ACLY: variants seen among roughly 807,000 people sequenced by gnomAD.
The protein encoded by ACLY is ATP citrate lyase, also known as ATP-citrate synthase.
Under a neutral mutation model 133.0 loss-of-function variants are expected in ACLY, and 41 were observed. The observed-to-expected ratio is 0.31, with a 90% CI of 0.24 to 0.40. ACLY has a LOEUF of 0.40. Among genes scored for constraint, ACLY ranks in the 10% least tolerant of loss-of-function variants. The pLI is 1.00. For synonymous variants in ACLY, 495 were observed against 549.3 expected, an observed-to-expected ratio of 0.90 and a Z score of 1.38; for missense variants, 1,046 against 1,453.8, an observed-to-expected ratio of 0.72 and a Z score of 4.56.
intron 16 of ACLY, among the ~76,000 whole-genome samples, chr17:41,890,321 T>G (rs904866700): frequency 5.3e-5 from 8 of 151,908 alleles, no homozygotes; most frequent in African/African-American, 1.9e-4. Context: ...AAATATGTAA[T>G]ATTTTTATAA....
chr17:41,869,521 G>C lies in ACLY; in HGVS notation c.3004C>G (p.Pro1002Ala). 6.2e-7 allele frequency: 1 copy of C among 1,614,170 alleles called. No individual in the cohort carries two copies. The highest frequency in any genetic ancestry group is 1.1e-5 in the South Asian group (1 of 91,070). ...ACTTCCAGTGCATAATCGAGCAGAG[G>C]AGTGGCAGGGAAGTGCTGCCTGACG... ...DYVRQHFPAT[P>A]LLDYALEVEK... The change falls in exon 26 of 29, where the codon CCT (proline) becomes GCT (alanine). Residue 1002 changes from proline to alanine, a missense_variant. By Grantham distance (27) the Pro-to-Ala change is conservative. Transcript: ENST00000352035.
At chr17:41,918,602 G>C (rs1318198501) in intron 1 of ACLY, among the ~76,000 whole-genome samples, 13 of 152,242 alleles carry the variant, frequency 8.5e-5, no homozygotes, top group African/African-American at 1.4e-4. Context: ...CAATGTGGCA[G>C]AGGCAGAAGA....
At chr17:41,914,294 G>A (rs1179336803) in intron 1 of ACLY, among the ~76,000 whole-genome samples, 3 of 151,838 alleles carry the variant, frequency 2.0e-5, no homozygotes, top group Non-Finnish European at 4.4e-5. Context: ...GGTCCCATCT[G>A]AGGTGGGCAG....
Position 41,896,621 on chromosome 17 carries a change from T to C in ACLY, c.1458A>G (p.Gln486=). The C allele has an allele frequency of 6.4e-7, 1 of 1,567,842 alleles. No individual in the cohort carries two copies. The highest frequency in any genetic ancestry group is 8.6e-7 in the Non-Finnish European group (1 of 1,156,098). Residue 486 remains glutamine, a splice_region_variant and synonymous_variant, in exon 14 of 29, where the codon CAA becomes CAG. Transcript: ENST00000352035. ...GGGGGCAGGGTGGGGGCATCCTACC[T>C]TGCAGGGATCTTGGACTTGGGACTG... ...QDSVPSPRSL[Q]GKSTTLFSRH... is the part of the protein sequence containing the mutation.
At chr17:41,883,935 G>GAT (rs2048986126) in intron 19 of ACLY, among the ~76,000 whole-genome samples, 1 of 152,028 alleles carries the variant, frequency 6.6e-6, no homozygotes, top group Non-Finnish European at 1.5e-5. Context: ...CCACCAGGTA[G>GAT]AGACCATGGC....
intron 1 of ACLY, among the ~76,000 whole-genome samples, chr17:41,929,676 C>T (rs1423920389): frequency 3.9e-5 from 6 of 152,094 alleles, no homozygotes; most frequent in African/African-American, 1.4e-4. Flanking sequence ...TGAATTAAAC[C>T]TTTTGAGATA....
chr17:41,880,100 G>A (rs959614030), intron 20 of ACLY, among the ~76,000 whole-genome samples: 3 of 152,170 alleles, frequency 2.0e-5, no homozygotes, highest in Admixed American at 6.6e-5. Flanking sequence ...CTTGTCTTAG[G>A]ATGGGGTGCA....
rs782537555 is a variant in ACLY at position 41,909,596 on chromosome 17, C to T, written c.450G>A (p.Gln150=). 4.3e-6 allele frequency: 7 copies of T among 1,614,200 alleles called. No homozygotes were observed. In the East Asian group the frequency reaches 1.6e-4, roughly 36 times the overall value. Residue 150 remains glutamine, a synonymous_variant, in exon 5 of 29, where the codon CAG becomes CAA. Coordinates refer to ENST00000352035, the MANE Select transcript of ACLY (RefSeq NM_001096.3). ...VDVGDVDAKA[Q]KLLVGVDEKL... ...TCTCATCCACGCCAACAAGCAGCTTCTGGGCCTTGGCGTCCACATCACCCA... is the reference window on the plus strand; with the variant it reads ...TCTCATCCACGCCAACAAGCAGCTTTTGGGCCTTGGCGTCCACATCACCCA...
At chr17:41,907,681 A>C (rs955466463) in intron 6 of ACLY, 109 bp from the exon 7 acceptor site, 31 of 1,286,292 alleles carry the variant, frequency 2.4e-5, no homozygotes, top group African/African-American at 3.0e-5. Context: ...TTCAGGCCTC[A>C]GAACTCTCTA....
rs782563412 is a variant in ACLY at position 41,897,737 on chromosome 17, T to G, written c.1429+12A>C. The stretch of plus-strand genomic sequence containing the variant: ...CACTCCCTGCAACATGCCTGAAGCC[T>G]CAGGGAGTTACCTTGTGGCATGGCA... On this transcript the variant is annotated intron_variant, in intron 13 of 28. Transcript: ENST00000352035. 6.2e-7 allele frequency: 1 copy of G among 1,611,806 alleles called. No homozygotes were observed. Among genetic ancestry groups the G allele is most frequent in the South Asian group, 1.1e-5 (1 of 90,626 alleles).
chr17:41,872,168 G>C lies in ACLY; in HGVS notation c.2657C>G (p.Ser886Cys), dbSNP rs782616192. Residue 886 changes from serine to cysteine, a missense_variant, in exon 24 of 29, where the codon TCT (serine) becomes TGT (cysteine). Transcript: ENST00000352035. ...LWFQKRLPKY[S>C]CQFIEMCLMV... ...CAGACACATCTCAATGAACTGGCAA[G>C]AGTACTTAGGCAACCTGGAGTGGGG... 1.2e-6 allele frequency: 2 copies of C among 1,613,624 alleles called. No homozygotes were observed. Among genetic ancestry groups the C allele is most frequent in the Non-Finnish European group, 1.7e-6 (2 of 1,179,992 alleles).
At chr17:41,901,673 G>A (rs781918061) in intron 11 of ACLY, 23 bp downstream of exon 11, 3 of 1,593,218 alleles carry the variant, frequency 1.9e-6, no homozygotes, top group Admixed American at 1.7e-5. Flanking sequence ...GGGTGAGGGG[G>A]AGAGAAAAGG....
rs782007401 is a variant in ACLY, at chr17:41,884,254, A to G, written c.2093T>C (p.Met698Thr). 1 of 1,612,016 alleles carries G rather than the reference A, an allele frequency of 6.2e-7. No homozygotes were observed. The highest frequency in any genetic ancestry group is 1.7e-5 in the Admixed American group (1 of 60,000). ...GGDRYPGSTF[M>T]DHVLRYQDTP... ...GTCCTGATAGCGTAACACATGATCC[A>G]TGAATGTGGAGCCCGGGTACCTGTT... Residue 698 changes from methionine to threonine, a missense_variant, in exon 19 of 29, where the codon ATG (methionine) becomes ACG (threonine). Physicochemically the swap from Met to Thr is moderately conservative, Grantham distance 81 (BLOSUM62 -1). This residue lies in a region of ACLY where 575 missense variants were observed against 804.2 expected (regional missense o/e 0.71). Transcript: ENST00000352035.
intron 1 of ACLY, among the ~76,000 whole-genome samples, chr17:41,916,565 C>CG (rs2050057693): frequency 6.6e-6 from 1 of 151,186 alleles, no homozygotes; most frequent in African/African-American, 2.4e-5. Flanking sequence ...TTAGTAGAGG[C>CG]GGGGTTTCAC....
At chr17:41,883,572 T>C (rs1416788194) in intron 19 of ACLY, among the ~76,000 whole-genome samples, 1 of 138,074 alleles carries the variant, frequency 7.2e-6, no homozygotes, top group Non-Finnish European at 1.5e-5. Context: ...TAAAAAGCGC[T>C]TTTTTTTTGC....
intron 20 of ACLY, among the ~76,000 whole-genome samples, chr17:41,881,490 A>G (rs1420311121): frequency 6.6e-6 from 1 of 151,504 alleles, no homozygotes; most frequent in Admixed American, 6.6e-5. Flanking sequence ...AAGGCATGGG[A>G]AAAAAAAGAA....
intron 1 of ACLY, among the ~76,000 whole-genome samples, chr17:41,918,557 C>T (rs1393976429): frequency 6.6e-6 from 1 of 152,120 alleles, no homozygotes; most frequent in Non-Finnish European, 1.5e-5. Flanking sequence ...TAGCTGTGCC[C>T]GGGAGGGGTG....
chr17:41,904,071 C>T (rs552795756), intron 10 of ACLY, among the ~76,000 whole-genome samples: 3 of 150,334 alleles, frequency 2.0e-5, no homozygotes, highest in East Asian at 3.9e-4. Context: ...GAGCTGAGAT[C>T]GTGCCATTGC....
chr17:41,891,007 T>C (rs1444011388), intron 16 of ACLY, among the ~76,000 whole-genome samples: 1 of 151,772 alleles, frequency 6.6e-6, no homozygotes, highest in East Asian at 1.9e-4. Flanking sequence ...ATACATAAAA[T>C]AAAGTGCTTT....
Sources: gnomAD v4.1 joint callset for allele counts (sites outside exome capture counted in the v4.1 genomes callset) on GRCh38, gnomAD v4.1.1 for gene constraint, gnomAD v4.1.1 regional missense constraint, MANE v1.5 for transcripts, NCBI Gene and HGNC (gene_info 2026-07-23, HGNC 2026-07-21) for gene names.